The following RPS6KC1 variants were observed in gnomAD, a reference collection of about 807,000 sequenced individuals.
RPS6KC1 encodes ribosomal protein S6 kinase C1.
RPS6KC1 carries 54 observed loss-of-function variants against 103.8 expected under a neutral mutation model. The observed-to-expected ratio is 0.52, with a 90% CI of 0.42 to 0.65. The LOEUF (loss-of-function observed/expected upper bound fraction) is 0.65. Among genes scored for constraint, RPS6KC1 ranks in the 30% least tolerant of loss-of-function variants. RPS6KC1 has a pLI of 0.00. For missense variants in RPS6KC1, 1,151 were observed against 1,253.8 expected, an observed-to-expected ratio of 0.92 and a Z score of 1.24; for synonymous variants, 439 against 438.7, an observed-to-expected ratio of 1.00 and a Z score of -0.01.
chr1:213,367,437 T>A, the RPS6KC1 span, among the ~76,000 whole-genome samples: 1 of 152,234 alleles, frequency 6.6e-6, no homozygotes, highest in African/African-American at 2.4e-5. Flanking sequence ...GAGATTACAT[T>A]TCTTTTCAAT....
the RPS6KC1 span, chr1:213,840,803 A>G: frequency 3.3e-5 from 5 of 152,150 alleles, no homozygotes; most frequent in Non-Finnish European, 5.9e-5. Context: ...AGGCCCAAAC[A>G]ACAAGTTGGA....
the RPS6KC1 span, among the ~76,000 whole-genome samples, chr1:213,626,643 A>G: frequency 1.3e-5 from 2 of 152,210 alleles, no homozygotes; most frequent in African/African-American, 4.8e-5. Context: ...CTTTCTACAT[A>G]TGGCTAGCCA....
the RPS6KC1 span, among the ~76,000 whole-genome samples, chr1:213,544,391 C>T: frequency 6.6e-6 from 1 of 152,276 alleles, no homozygotes; most frequent in South Asian, 2.1e-4. Flanking sequence ...CTAGGGGTGA[C>T]TCTTTATACA....
At chr1:213,512,037 C>T in the RPS6KC1 span, among the ~76,000 whole-genome samples, 6 of 152,112 alleles carry the variant, frequency 3.9e-5, no homozygotes, top group African/African-American at 7.2e-5. Flanking sequence ...GAGGCCTTGA[C>T]GAGATAGTGA....
chr1:213,514,614 T>A, the RPS6KC1 span, among the ~76,000 whole-genome samples: 7 of 152,138 alleles, frequency 4.6e-5, no homozygotes, highest in African/African-American at 1.7e-4. Context: ...CACATTTTCT[T>A]AATCCAGTCT....
At chr1:213,113,049 A>G (rs2083194102) in intron 4 of RPS6KC1, among the ~76,000 whole-genome samples, 1 of 152,218 alleles carries the variant, frequency 6.6e-6, no homozygotes, top group African/African-American at 2.4e-5. Context: ...TTGTAGCAGC[A>G]TGATTTATAG....
the RPS6KC1 span, among the ~76,000 whole-genome samples, chr1:213,738,102 A>C: frequency 6.6e-6 from 1 of 152,208 alleles, no homozygotes; most frequent in African/African-American, 2.4e-5. Context: ...ATTTGTCCTA[A>C]AAACAACCAG....
chr1:213,078,264 A>G (rs1199304287), intron 3 of RPS6KC1, among the ~76,000 whole-genome samples: 1 of 149,562 alleles, frequency 6.7e-6, no homozygotes, highest in African/African-American at 2.5e-5. Context: ...TCAGTTTTCA[A>G]ATACCTAGGT....
chr1:213,636,288 C>T, the RPS6KC1 span, among the ~76,000 whole-genome samples: 1 of 151,958 alleles, frequency 6.6e-6, no homozygotes, highest in Non-Finnish European at 1.5e-5. Context: ...CATATGGAAC[C>T]AAAAAAGAGC....
intron 7 of RPS6KC1, among the ~76,000 whole-genome samples, chr1:213,175,734 A>G (rs1319591120): frequency 6.6e-6 from 1 of 152,226 alleles, no homozygotes; most frequent in African/African-American, 2.4e-5. Flanking sequence ...CATCACAGAT[A>G]TTCAAATATT....
chr1:213,138,465 C>A (rs992705160), intron 6 of RPS6KC1, among the ~76,000 whole-genome samples: 2 of 152,048 alleles, frequency 1.3e-5, no homozygotes, highest in African/African-American at 4.8e-5. Flanking sequence ...CCCAGGTAAT[C>A]GGTGTAATAT....
chr1:213,848,880 G>T, the RPS6KC1 span, among the ~76,000 whole-genome samples: 1 of 152,146 alleles, frequency 6.6e-6, no homozygotes, highest in Non-Finnish European at 1.5e-5. Context: ...AAGTTTGCAT[G>T]TTCAAGGTTT....
chr1:213,472,613 T>G, the RPS6KC1 span, among the ~76,000 whole-genome samples: 3 of 152,232 alleles, frequency 2.0e-5, no homozygotes, highest in African/African-American at 7.2e-5. Flanking sequence ...ATGGAAACTC[T>G]ACTATGCTCA....
the RPS6KC1 span, among the ~76,000 whole-genome samples, chr1:213,307,781 A>G: frequency 0.014 from 2,065 of 152,198 alleles, 50 homozygotes; most frequent in African/African-American, 0.048. Flanking sequence ...CTCAAGTGGA[A>G]TGGTACACTG....
chr1:213,428,526 C>T, the RPS6KC1 span, among the ~76,000 whole-genome samples: 86 of 111,408 alleles, frequency 7.7e-4, no homozygotes, highest in East Asian at 6.9e-3. Context: ...TCCTCTTTCT[C>T]TCTCTCTCTC....
the RPS6KC1 span, among the ~76,000 whole-genome samples, chr1:213,527,203 A>C: frequency 2.0e-5 from 3 of 152,232 alleles, no homozygotes; most frequent in Non-Finnish European, 4.4e-5. Flanking sequence ...ATGACTACCC[A>C]TGCACAATGC....
the RPS6KC1 span, among the ~76,000 whole-genome samples, chr1:213,641,775 A>G: frequency 1.3e-5 from 2 of 151,902 alleles, no homozygotes; most frequent in Non-Finnish European, 2.9e-5. Flanking sequence ...AGTGTGTCTG[A>G]GGCAAAGTGA....
At chr1:213,221,661 T>G (rs1213734527) in intron 8 of RPS6KC1, among the ~76,000 whole-genome samples, 1 of 152,192 alleles carries the variant, frequency 6.6e-6, no homozygotes, top group East Asian at 1.9e-4. Context: ...TACAATTAGT[T>G]GTGTTCTTAT....
At chr1:213,605,820 T>C in the RPS6KC1 span, among the ~76,000 whole-genome samples, 1 of 152,118 alleles carries the variant, frequency 6.6e-6, no homozygotes, top group Admixed American at 6.5e-5. Flanking sequence ...TCAGAGGCTC[T>C]GGTGGGTAAG....
Sources: allele counts gnomAD v4.1 joint callset (sites outside exome capture counted in the v4.1 genomes callset), GRCh38; gene constraint gnomAD v4.1.1; transcripts MANE v1.5; gene names NCBI Gene and HGNC (gene_info 2026-07-23, HGNC 2026-07-21).